The following USP9X variants were observed in gnomAD, a reference collection of about 807,000 sequenced individuals.
The protein encoded by USP9X is ubiquitin carboxyl-terminal hydrolase 9X.
Under a neutral mutation model 190.3 loss-of-function variants are expected in USP9X, and 7 were observed. The observed-to-expected ratio is 0.04, with a 90% CI of 0.02 to 0.07. The LOEUF (loss-of-function observed/expected upper bound fraction) is 0.07. Among genes scored for constraint, USP9X ranks in the 10% least tolerant of loss-of-function variants. The pLI, the probability that USP9X is intolerant of heterozygous loss-of-function variation, is 1.00. For synonymous variants in USP9X, 645 were observed against 659.5 expected (o/e 0.98, Z 0.34); for missense variants, 1,010 against 1,916.9 (o/e 0.53, Z 8.83).
In USP9X at chrX:41,099,120, TTTA is replaced by T. The variant is rs1473564535; in HGVS notation, c.-159+13012_-159+13014del. Among the ~76,000 whole-genome samples the T allele has an allele frequency of 3.9e-4, 28 of 71,455 alleles. 1 individual carries two copies. The highest frequency in any genetic ancestry group is 1.3e-3 in the South Asian group (2 of 1,487). The allele number at this position is 71,455 out of a possible 115,157, so 62.1% of individuals were successfully genotyped here. ...TGTTTTTTTTTTTTTTTTTTTTTTT[TTTA>T]AACAGAGATGGAGTCTCACTATGTT... is the stretch of plus-strand genomic sequence containing the variant. On this transcript the variant is annotated intron_variant, in intron 1 of 44. Coordinates refer to ENST00000378308, the MANE Select transcript of USP9X (RefSeq NM_001039591.3).
At position 41,197,592 on chromosome X, in the gene USP9X, TATC is replaced by T. The variant is rs201157305; in HGVS notation, c.4380+85_4380+87del. The T allele has an allele frequency of 0.055, 46,968 of 850,020 alleles. 1,090 individuals carry two copies. Among genetic ancestry groups the T allele is most frequent in the Non-Finnish European group, 0.065 (41,128 of 632,710 alleles). The allele number at this position is 850,020 out of a possible 1,213,427, so 70.1% of individuals were successfully genotyped here. On this transcript the variant is annotated intron_variant, in intron 29 of 44. Transcript: ENST00000378308. ...ATCAAATTTAATTAATTTATAGTAG[TATC>T]ATGTCTTTGTACTTTCTTGATCTTT...
intron 1 of USP9X, among the ~76,000 whole-genome samples, chrX:41,104,178 T>C (rs992480934): frequency 1.2e-4 from 13 of 111,654 alleles, no homozygotes; most frequent in African/African-American, 3.6e-4. Context: ...GCCATCCTCC[T>C]GTCTCAGCAC....
At chrX:41,172,236 C>T (rs949944617) in intron 21 of USP9X, among the ~76,000 whole-genome samples, 3 of 111,785 alleles carry the variant, frequency 2.7e-5, no homozygotes, top group African/African-American at 9.8e-5. Flanking sequence ...AAACCAGGCT[C>T]ATTTGTTTAC....
chrX:41,118,525 T>G (rs12688096), intron 1 of USP9X, among the ~76,000 whole-genome samples: 14,822 of 111,342 alleles, frequency 0.13, 901 homozygotes, highest in East Asian at 0.22. Context: ...TTCGTCCTTG[T>G]ATTGCTTCCT....
chrX:41,113,503 A>G (rs1367461795), intron 1 of USP9X, among the ~76,000 whole-genome samples: 1 of 112,165 alleles, frequency 8.9e-6, no homozygotes, highest in African/African-American at 3.2e-5. Context: ...CTGGCCAAAA[A>G]TAAGTATTTT....
At chrX:41,137,437 G>A in intron 6 of USP9X, among the ~76,000 whole-genome samples, 1 of 111,474 alleles carries the variant, frequency 9.0e-6, no homozygotes, top group Non-Finnish European at 1.9e-5. Flanking sequence ...AATTGTTAAT[G>A]AAATCAATAT....
intron 6 of USP9X, among the ~76,000 whole-genome samples, chrX:41,138,745 A>G (rs754713067): frequency 3.5e-5 from 4 of 113,148 alleles, no homozygotes; most frequent in Non-Finnish European, 7.5e-5. Context: ...CATTTAAAAT[A>G]TAATAAAAAC....
At chrX:41,210,458 A>G (rs2063148290) in intron 32 of USP9X, 51 bp from the exon 33 acceptor site, 1 of 1,158,346 alleles carries the variant, frequency 8.6e-7, no homozygotes, top group Non-Finnish European at 1.2e-6. Flanking sequence ...AGTTGTACAT[A>G]TTGTTCTGTG....
chrX:41,149,340 A>G (rs1258777220), intron 12 of USP9X, among the ~76,000 whole-genome samples: 2 of 111,797 alleles, frequency 1.8e-5, no homozygotes, highest in Admixed American at 9.5e-5. Flanking sequence ...TCTTTTTTAA[A>G]TATCTATTAG....
chrX:41,196,886 C>T (rs1355256729), intron 28 of USP9X, 148 bp downstream of exon 28: 7 of 439,835 alleles, frequency 1.6e-5, no homozygotes, highest in Admixed American at 1.6e-4. Context: ...CATCAGTGGA[C>T]GTTAGTAATC....
intron 3 of USP9X, 150 bp from the exon 4 acceptor site, chrX:41,131,307 A>C (rs951147911): frequency 7.1e-5 from 28 of 397,019 alleles, no homozygotes; most frequent in Non-Finnish European, 1.1e-4. Context: ...CAAAGCAGAT[A>C]ATCTGCCAAC....
At chrX:41,199,582 A>C (rs1387614694) in intron 30 of USP9X, among the ~76,000 whole-genome samples, 2 of 109,969 alleles carry the variant, frequency 1.8e-5, no homozygotes, top group African/African-American at 6.6e-5. Context: ...TTGTATTGCC[A>C]CCATGCCTGG....
At chrX:41,163,133 G>A (rs1448865414) in intron 15 of USP9X, among the ~76,000 whole-genome samples, 1 of 111,731 alleles carries the variant, frequency 9.0e-6, no homozygotes, top group African/African-American at 3.3e-5. Context: ...TGGAAATAAT[G>A]TTTATTTTTA....
intron 15 of USP9X, among the ~76,000 whole-genome samples, chrX:41,164,701 C>G (rs2062663841): frequency 1.8e-5 from 2 of 112,148 alleles, no homozygotes; most frequent in Non-Finnish European, 3.8e-5. Context: ...CCCATCTGAT[C>G]AGTAAGAAAC....
At chrX:41,101,339 G>A (rs953879114) in intron 1 of USP9X, among the ~76,000 whole-genome samples, 5 of 109,641 alleles carry the variant, frequency 4.6e-5, no homozygotes, top group African/African-American at 1.7e-4. Flanking sequence ...CAGCACTTTG[G>A]GAGGCTTAGG....
At chrX:41,093,109 C>A (rs1034935529) in intron 1 of USP9X, among the ~76,000 whole-genome samples, 1 of 111,674 alleles carries the variant, frequency 9.0e-6, no homozygotes, top group Non-Finnish European at 1.9e-5. Context: ...TCAAGCAATC[C>A]TCCTGTTTTG....
intron 33 of USP9X, among the ~76,000 whole-genome samples, chrX:41,211,836 G>GT (rs1483461722): frequency 2.1e-4 from 22 of 105,211 alleles, no homozygotes; most frequent in Admixed American, 6.9e-4. Flanking sequence ...CGGGAGGGAG[G>GT]TGGGGGGGTC....
Position 41,198,588 on chromosome X carries a change from G to A in USP9X, c.4441G>A (p.Gly1481Arg). 8.3e-7 allele frequency: 1 copy of A among 1,211,329 alleles called. No individual in the cohort carries two copies. The highest frequency in any genetic ancestry group is 1.1e-6 in the Non-Finnish European group (1 of 895,279). The change falls in exon 30 of 45, where the codon GGA becomes AGA. Residue 1481 changes from glycine (G) to arginine (R), a missense_variant. By Grantham distance (125) the Gly-to-Arg change is moderately radical. Coordinates refer to ENST00000378308, the MANE Select transcript of USP9X (RefSeq NM_001039591.3). ...TGTTTACCTACAGTATATGAGAAATGGAGAGCTTCCAGCTGAACAGGCTAT... is the reference window on the plus strand; with the variant it reads ...TGTTTACCTACAGTATATGAGAAATAGAGAGCTTCCAGCTGAACAGGCTAT... ...SNVYLQYMRN[G>R]ELPAEQAIPV...
rs1430051364 is a variant in USP9X at position 41,234,747 on chromosome X, A to G, written c.*2223A>G. 3.6e-5 allele frequency: 4 copies of G among 111,071 alleles called. No individual in the cohort carries two copies. Among genetic ancestry groups the G allele is most frequent in the African/African-American group, 1.3e-4 (4 of 30,487 alleles). The allele number at this position is 111,071 out of a possible 1,213,427, so 9.2% of individuals were successfully genotyped here. ...AGCTAATTTTTGTATTTTTGTAGAG[A>G]CAGGGTTTCACCACGTTGGCCAGGC... On this transcript the variant is annotated 3_prime_UTR_variant, in exon 45 of 45. Transcript: ENST00000378308.
Sources: allele counts gnomAD v4.1 joint callset (sites outside exome capture counted in the v4.1 genomes callset), GRCh38; gene constraint gnomAD v4.1.1; transcripts MANE v1.5; gene names NCBI Gene and HGNC (gene_info 2026-07-23, HGNC 2026-07-21).